DSCAML1: variants seen among roughly 807,000 people sequenced by gnomAD.
DSCAML1 encodes the protein DS cell adhesion molecule like 1, also known as cell adhesion molecule DSCAML1.
A neutral mutation model predicts 200.5 loss-of-function variants in DSCAML1; 38 were observed. The ratio of observed to expected loss-of-function variants is 0.19; its 90% CI spans 0.15 to 0.25. DSCAML1 has a LOEUF of 0.25. Ranked by LOEUF, DSCAML1 falls within the 10% of genes least tolerant of loss-of-function variation. The probability of loss-of-function intolerance (pLI) is 1.00; values close to 1 mark genes in which losing one functional copy is unlikely to be tolerated. For missense variants in DSCAML1, 2,223 were observed against 2,858.8 expected (o/e 0.78, Z 5.07); for synonymous variants, 1,215 against 1,165.0 (o/e 1.04, Z -0.87).
At chr11:117,579,300 C>T (rs764063902) in intron 3 of DSCAML1, among the ~76,000 whole-genome samples, 3 of 152,232 alleles carry the variant, frequency 2.0e-5, no homozygotes, top group Non-Finnish European at 2.9e-5. Context: ...TTACGGTGAC[C>T]TAGAGCCTTC....
intron 3 of DSCAML1, among the ~76,000 whole-genome samples, chr11:117,643,005 T>C (rs905226176): frequency 6.6e-6 from 1 of 152,230 alleles, no homozygotes; most frequent in Admixed American, 6.5e-5. Flanking sequence ...CTGAAACCTT[T>C]AACCCTCCGC....
intron 3 of DSCAML1, among the ~76,000 whole-genome samples, chr11:117,632,865 A>G (rs1245298417): frequency 2.0e-5 from 3 of 152,220 alleles, no homozygotes; most frequent in Non-Finnish European, 2.9e-5. Context: ...AATTCTCTCA[A>G]TAAAACTAAG....
Position 117,443,976 on chromosome 11 carries a change from CGCG to C in DSCAML1, c.3769_3771del (p.Arg1257del). ...GCCACCCACAGCAGATACTGCTGAC[CGCG>C]GTTTAGGTGGGCGATCCGGTAGAAG... On this transcript the variant is annotated inframe_deletion, in exon 21 of 33. Transcript: ENST00000651296. The C allele has an allele frequency of 6.2e-7, 1 of 1,613,902 alleles. No homozygotes were observed. The highest frequency in any genetic ancestry group is 1.1e-5 in the South Asian group (1 of 91,066).
At position 117,743,003 on chromosome 11, in the gene DSCAML1, TCATCCATCCATC is replaced by T. The variant is rs60601984; in HGVS notation, c.511+33776_511+33787del. Among the ~76,000 whole-genome samples, 298 of 151,004 alleles carry T rather than the reference TCATCCATCCATC, an allele frequency of 2.0e-3. 1 individual carries two copies. The highest frequency in any genetic ancestry group is 6.8e-3 in the African/African-American group (279 of 41,062). On this transcript the variant is annotated intron_variant, in intron 3 of 32. Transcript: ENST00000651296. ...AGCTATGGAGATGCTCACTCCACTT[TCATCCATCCATC>T]CATCCATCCATCCACCCATCCGTCC...
At position 117,560,316 on chromosome 11, in the gene DSCAML1, G is replaced by A. The variant is rs868520228; in HGVS notation, c.512-27794C>T. Reference sequence around the variant, plus strand: ...GCAACTTCAGGAGGTGCGCCACTAAGCCCAGAGGGATGAGTTGATGTCTCA... The same window carrying A: ...GCAACTTCAGGAGGTGCGCCACTAAACCCAGAGGGATGAGTTGATGTCTCA... On this transcript the variant is annotated intron_variant, in intron 3 of 32. Coordinates refer to ENST00000651296, the MANE Select transcript of DSCAML1 (RefSeq NM_020693.4). 2.6e-5 allele frequency among the ~76,000 whole-genome samples: 4 copies of A among 152,182 alleles called. No individual in the cohort carries two copies. The South Asian group carries it at 6.2e-4, about 24-fold the overall frequency.
intron 3 of DSCAML1, among the ~76,000 whole-genome samples, chr11:117,710,832 A>G (rs567333459): frequency 2.0e-5 from 3 of 152,320 alleles, no homozygotes; most frequent in Admixed American, 1.3e-4. Flanking sequence ...GCTCTCTACA[A>G]GTTGACAATC....
chr11:117,670,379 C>T (rs1037490001), intron 3 of DSCAML1, among the ~76,000 whole-genome samples: 1 of 152,006 alleles, frequency 6.6e-6, no homozygotes, highest in Non-Finnish European at 1.5e-5. Context: ...TGATTCACTC[C>T]AGTAAATATC....
intron 18 of DSCAML1, among the ~76,000 whole-genome samples, chr11:117,461,030 G>T (rs1311878533): frequency 6.6e-6 from 1 of 151,392 alleles, no homozygotes; most frequent in Non-Finnish European, 1.5e-5. Context: ...ATTCCCCACC[G>T]GTCCCTGGCT....
At chr11:117,746,698 C>T (rs1427495535) in intron 3 of DSCAML1, among the ~76,000 whole-genome samples, 2 of 152,192 alleles carry the variant, frequency 1.3e-5, no homozygotes, top group Non-Finnish European at 2.9e-5. Flanking sequence ...TCCTGCCATG[C>T]CCTGACCCAG....
chr11:117,491,878 G>A (rs1219918085), intron 11 of DSCAML1, among the ~76,000 whole-genome samples: 3 of 152,222 alleles, frequency 2.0e-5, no homozygotes, highest in Non-Finnish European at 4.4e-5. Context: ...GAGCTTCTCT[G>A]AAGAAAAATG....
At chr11:117,697,859 C>T (rs1399161405) in intron 3 of DSCAML1, among the ~76,000 whole-genome samples, 1 of 151,952 alleles carries the variant, frequency 6.6e-6, no homozygotes, top group Non-Finnish European at 1.5e-5. Context: ...GCAACCTCCA[C>T]CTCCCAGGTT....
chr11:117,715,197 G>A (rs1002654367), intron 3 of DSCAML1, among the ~76,000 whole-genome samples: 6 of 151,826 alleles, frequency 4.0e-5, no homozygotes, highest in East Asian at 1.9e-4. Flanking sequence ...AGAAGCAGAA[G>A]CACTGCCTTC....
At chr11:117,624,202 A>G (rs1242536355) in intron 3 of DSCAML1, among the ~76,000 whole-genome samples, 2 of 152,224 alleles carry the variant, frequency 1.3e-5, no homozygotes, top group Non-Finnish European at 2.9e-5. Context: ...AAATCAGCTG[A>G]ATCGGAATGA....
At chr11:117,507,439 G>A (rs1211798076) in intron 8 of DSCAML1, among the ~76,000 whole-genome samples, 1 of 152,190 alleles carries the variant, frequency 6.6e-6, no homozygotes, top group Non-Finnish European at 1.5e-5. Flanking sequence ...GCTCAAAAGG[G>A]AGCTGCCTGC....
chr11:117,630,883 C>T (rs2052159008), intron 3 of DSCAML1, among the ~76,000 whole-genome samples: 1 of 152,078 alleles, frequency 6.6e-6, no homozygotes. Context: ...GTGACCTCAG[C>T]AGGTCGCATG....
intron 8 of DSCAML1, among the ~76,000 whole-genome samples, chr11:117,508,313 A>G (rs991762298): frequency 6.6e-6 from 1 of 152,042 alleles, no homozygotes; most frequent in Non-Finnish European, 1.5e-5. Flanking sequence ...CACGTATCAC[A>G]TGGCTGTCGG....
intron 3 of DSCAML1, among the ~76,000 whole-genome samples, chr11:117,630,674 A>AAG (rs1338960805): frequency 6.6e-6 from 1 of 151,196 alleles, no homozygotes; most frequent in Non-Finnish European, 1.5e-5. Flanking sequence ...AAAAAAAAAA[A>AAG]AAAAAAAAAA....
At chr11:117,587,609 G>T (rs900698227) in intron 3 of DSCAML1, among the ~76,000 whole-genome samples, 1 of 152,214 alleles carries the variant, frequency 6.6e-6, no homozygotes, top group African/African-American at 2.4e-5. Context: ...GCTGCCTGGA[G>T]CCCCCGCTGC....
At chr11:117,735,326 C>T (rs993405479) in intron 3 of DSCAML1, among the ~76,000 whole-genome samples, 5 of 152,192 alleles carry the variant, frequency 3.3e-5, no homozygotes, top group African/African-American at 1.2e-4. Flanking sequence ...AAGGGACTTT[C>T]ATGTTCATGA....
Sources: allele counts gnomAD v4.1 joint callset (sites outside exome capture counted in the v4.1 genomes callset), GRCh38; gene constraint gnomAD v4.1.1; transcripts MANE v1.5; gene names NCBI Gene and HGNC (gene_info 2026-07-23, HGNC 2026-07-21).